Variants in SCAI observed in about 807,000 individuals in gnomAD.
SCAI encodes suppressor of cancer cell invasion.
In SCAI, 24 loss-of-function variants were observed where a neutral mutation model predicts 92.2. The observed-to-expected ratio is 0.26, with a 90% CI of 0.19 to 0.37. The LOEUF (loss-of-function observed/expected upper bound fraction) is 0.37, where lower values mean the gene tolerates loss of function less well. Among genes scored for constraint, SCAI ranks in the 10% least tolerant of loss-of-function variants. SCAI has a pLI of 1.00. For missense variants in SCAI, 450 were observed against 736.2 expected (o/e 0.61, Z 4.50); for synonymous variants, 261 against 258.6 (o/e 1.01, Z -0.09).
At chr9:125,087,754 G>A (rs1352942209) in intron 2 of SCAI, among the ~76,000 whole-genome samples, 2 of 152,100 alleles carry the variant, frequency 1.3e-5, no homozygotes, top group Non-Finnish European at 1.5e-5. Context: ...CAAGAGAGAA[G>A]AGATAATGAA....
chr9:125,095,564 G>A (rs1359447469), intron 2 of SCAI, among the ~76,000 whole-genome samples: 2 of 152,226 alleles, frequency 1.3e-5, no homozygotes, highest in Non-Finnish European at 2.9e-5. Flanking sequence ...CTGGGCATAA[G>A]GCCAACCATA....
At chr9:124,959,101 C>G (rs932414465) in intron 17 of SCAI, among the ~76,000 whole-genome samples, 4 of 151,232 alleles carry the variant, frequency 2.6e-5, no homozygotes, top group Non-Finnish European at 5.9e-5. Flanking sequence ...CTTCCTGTGT[C>G]CATGTGTTCT....
At chr9:125,009,718 G>GCCA (rs1832591292) in intron 9 of SCAI, among the ~76,000 whole-genome samples, 1 of 151,486 alleles carries the variant, frequency 6.6e-6, no homozygotes, top group Non-Finnish European at 1.5e-5. Context: ...GCGAAACCCT[G>GCCA]TCTCTACTAA....
rs556313380 is a variant in SCAI at position 124,951,543 on chromosome 9, G to T, written c.*1264C>A. The T allele has an allele frequency of 6.6e-6, 1 of 152,142 alleles. No homozygotes were observed. Among genetic ancestry groups the T allele is most frequent in the African/African-American group, 2.4e-5 (1 of 41,500 alleles). 9.4% of individuals were successfully genotyped at this position (152,142 alleles called of 1,614,324 possible). On this transcript the variant is annotated 3_prime_UTR_variant, in exon 18 of 18. Coordinates refer to ENST00000336505, the MANE Select transcript of SCAI (RefSeq NM_001144877.3). The stretch of plus-strand genomic sequence containing the variant: ...TAAATTTAGAGTATAATTTACCTAG[G>T]GCCATGGGAAAGAGATATCAAAAGC...
At chr9:125,131,873 G>C (rs1422399054) in intron 2 of SCAI, among the ~76,000 whole-genome samples, 3 of 152,130 alleles carry the variant, frequency 2.0e-5, no homozygotes, top group African/African-American at 7.2e-5. Context: ...ACTACCTTCA[G>C]AACCTGTTTC....
chr9:125,111,160 C>T (rs147080644), intron 2 of SCAI, among the ~76,000 whole-genome samples: 96 of 151,190 alleles, frequency 6.3e-4, no homozygotes, highest in African/African-American at 1.8e-3. Context: ...AAAAAAGGAT[C>T]GTGACTAAGT....
At chr9:124,990,514 T>A (rs149140683) in intron 14 of SCAI, among the ~76,000 whole-genome samples, 1 of 152,094 alleles carries the variant, frequency 6.6e-6, no homozygotes, top group African/African-American at 2.4e-5. Context: ...AAACAAATTA[T>A]CTATCAAAAT....
intron 17 of SCAI, among the ~76,000 whole-genome samples, chr9:124,954,082 T>TTGGGG (rs1360782257): frequency 6.6e-6 from 1 of 151,630 alleles, no homozygotes; most frequent in East Asian, 2.0e-4. Flanking sequence ...TCAACCAATC[T>TTGGGG]ACACGCCTCG....
chr9:125,036,582 C>G (rs565584376), intron 3 of SCAI, among the ~76,000 whole-genome samples: 3 of 152,166 alleles, frequency 2.0e-5, no homozygotes, highest in African/African-American at 7.2e-5. Flanking sequence ...TATTATTTCA[C>G]CTTGTAAAAC....
rs142503505 is a variant in SCAI at position 125,034,611 on chromosome 9, T to C, written c.231-4872A>G. 9.3e-3 allele frequency among the ~76,000 whole-genome samples: 1,417 copies of C among 152,206 alleles called. 25 individuals are homozygous for C. The highest frequency in any genetic ancestry group is 0.032 in the African/African-American group (1,328 of 41,524). On this transcript the variant is annotated intron_variant, in intron 3 of 17. Coordinates refer to ENST00000336505, the MANE Select transcript of SCAI (RefSeq NM_001144877.3). ...AAATAAAAAATAAATTTGCCAGGCG[T>C]AGTGGCACACACCTGTAGTCCCAGC...
At chr9:125,107,744 G>A (rs775280552) in intron 2 of SCAI, among the ~76,000 whole-genome samples, 4 of 152,144 alleles carry the variant, frequency 2.6e-5, no homozygotes, top group African/African-American at 7.2e-5. Flanking sequence ...CTCCAGCCTC[G>A]GCAACAGAGC....
At chr9:125,105,955 G>T (rs1834769242) in intron 2 of SCAI, among the ~76,000 whole-genome samples, 1 of 150,298 alleles carries the variant, frequency 6.7e-6, no homozygotes, top group Non-Finnish European at 1.5e-5. Flanking sequence ...AAATTAGCTG[G>T]GTGTGGTGGT....
intron 2 of SCAI, among the ~76,000 whole-genome samples, chr9:125,090,854 C>T (rs1834415768): frequency 6.6e-6 from 1 of 152,074 alleles, no homozygotes; most frequent in Non-Finnish European, 1.5e-5. Context: ...CACGGTGGCT[C>T]ATGCCTGTAA....
Position 124,971,833 on chromosome 9 carries a change from G to T in SCAI, c.1411C>A (p.Arg471=). The change falls in exon 16 of 18, where the codon CGA becomes AGA. Residue 471 remains arginine (R), a synonymous_variant. Transcript: ENST00000336505. The part of the protein sequence containing the change: ...YPKALQDQSQ[R]GSLFTLFLNN... ...AAAAAGAGAGTGAAGAGGCTACCTC[G>T]CTGAGATTGATCTGTAATAACAAAC... 1 of 1,590,998 alleles carries T rather than the reference G, an allele frequency of 6.3e-7. No individual in the cohort carries two copies.
At chr9:124,961,249 C>G (rs979294495) in intron 17 of SCAI, among the ~76,000 whole-genome samples, 3 of 147,644 alleles carry the variant, frequency 2.0e-5, no homozygotes, top group African/African-American at 7.5e-5. Context: ...GCCTAGGCAA[C>G]ATAGGAAGAT....
At chr9:124,984,220 G>T (rs914119799) in intron 14 of SCAI, among the ~76,000 whole-genome samples, 11 of 152,198 alleles carry the variant, frequency 7.2e-5, no homozygotes, top group African/African-American at 2.4e-4. Flanking sequence ...ACAGCAAGGG[G>T]GTCAGTGTGG....
intron 14 of SCAI, among the ~76,000 whole-genome samples, chr9:124,986,631 T>A (rs1320004002): frequency 6.6e-6 from 1 of 152,082 alleles, no homozygotes; most frequent in Non-Finnish European, 1.5e-5. Context: ...AAAATGAGAA[T>A]TTCCCAGCAG....
In SCAI at chr9:125,020,665, G is replaced by T. The variant is rs1242260405; in HGVS notation, c.609+8C>A. Reference sequence around the variant, plus strand: ...GATTAGAATTTGAACTATTTAAAGTGTATTTACCTTTACCAGATCCTTTAC... The same window carrying T: ...GATTAGAATTTGAACTATTTAAAGTTTATTTACCTTTACCAGATCCTTTAC... On this transcript the variant is annotated splice_region_variant and intron_variant, in intron 7 of 17. Coordinates refer to ENST00000336505, the MANE Select transcript of SCAI (RefSeq NM_001144877.3). 11 of 1,230,752 alleles carry T rather than the reference G, an allele frequency of 8.9e-6. No individual in the cohort carries two copies. The highest frequency in any genetic ancestry group is 1.9e-4 in the Middle Eastern group (1 of 5,142). 76.2% of individuals were successfully genotyped at this position (1,230,752 alleles called of 1,614,324 possible).
At chr9:124,974,075 C>T (rs1831709988) in intron 15 of SCAI, 2 of 258,310 alleles carry the variant, frequency 7.7e-6, no homozygotes, top group Admixed American at 5.1e-5. Context: ...TAATAACCGC[C>T]CATCAGGCTC....
Sources: gnomAD v4.1 joint callset for allele counts (sites outside exome capture counted in the v4.1 genomes callset) on GRCh38, gnomAD v4.1.1 for gene constraint, MANE v1.5 for transcripts, NCBI Gene and HGNC (gene_info 2026-07-23, HGNC 2026-07-21) for gene names.